Variants in HPS3 observed in about 807,000 individuals in gnomAD.
The protein encoded by HPS3 is BLOC-2 complex member HPS3.
A neutral mutation model predicts 110.9 loss-of-function variants in HPS3; 79 were observed. That is an observed-to-expected ratio of 0.71 (90% CI 0.59 to 0.86). HPS3 has a LOEUF of 0.86. HPS3 is among the 40% of genes least tolerant of loss of function. The pLI, the probability that HPS3 is intolerant of heterozygous loss-of-function variation, is 0.00. For missense variants in HPS3, 1,197 were observed against 1,206.2 expected, an observed-to-expected ratio of 0.99 and a Z score of 0.11; for synonymous variants, 428 against 451.0, an observed-to-expected ratio of 0.95 and a Z score of 0.65.
intron 1 of HPS3, among the ~76,000 whole-genome samples, chr3:149,131,999 TGA>T (rs1721808095): frequency 6.6e-6 from 1 of 152,164 alleles, no homozygotes; most frequent in Non-Finnish European, 1.5e-5. Context: ...CTGTGAATGC[TGA>T]GAGAGGTGAG....
In HPS3 at chr3:149,141,082, C is replaced by A; in HGVS notation, c.778C>A (p.Leu260Ile). ...TGTCATCTGCCAGAAGCCCCTGGAA[C>A]TTCTTGGTGAAAAAAGTGAACAGTC... ...DFVICQKPLE[L>I]LGEKSEQSGL... Residue 260 changes from leucine to isoleucine, a missense_variant, in exon 3 of 17, where the codon CTT (leucine) becomes ATT (isoleucine). Transcript: ENST00000296051. 1 of 1,613,728 alleles carries A rather than the reference C, an allele frequency of 6.2e-7. No homozygotes were observed. The highest frequency in any genetic ancestry group is 1.1e-5 in the South Asian group (1 of 91,052).
chr3:149,146,137 A>G (rs987213384), intron 5 of HPS3, among the ~76,000 whole-genome samples: 9 of 152,122 alleles, frequency 5.9e-5, no homozygotes, highest in Non-Finnish European at 1.0e-4. Context: ...TTTCCTTTTA[A>G]TCTCAGCAGC....
intron 9 of HPS3, 149 bp downstream of exon 9, chr3:149,157,680 C>T (rs1723541359): frequency 1.4e-6 from 1 of 737,856 alleles, no homozygotes. Context: ...AGCACATACT[C>T]TGTTAGGCAC....
At chr3:149,139,570 C>T (rs1722308853) in intron 1 of HPS3, among the ~76,000 whole-genome samples, 1 of 152,188 alleles carries the variant, frequency 6.6e-6, no homozygotes, top group Admixed American at 6.5e-5. Flanking sequence ...TCCTGTTTCT[C>T]AGACTTGTGA....
At chr3:149,155,240 T>C in intron 8 of HPS3, 25 bp downstream of exon 8, 1 of 1,188,444 alleles carries the variant, frequency 8.4e-7, no homozygotes, top group Non-Finnish European at 1.3e-6. Flanking sequence ...CTTCTGATTC[T>C]TGTTTGTAGA....
At chr3:149,161,932 A>T (rs1461127399) in intron 11 of HPS3, among the ~76,000 whole-genome samples, 1 of 152,192 alleles carries the variant, frequency 6.6e-6, no homozygotes, top group Non-Finnish European at 1.5e-5. Flanking sequence ...AAAAAATAGG[A>T]CACCTTGATT....
intron 11 of HPS3, among the ~76,000 whole-genome samples, chr3:149,161,387 A>G (rs1723803975): frequency 1.3e-5 from 2 of 151,978 alleles, no homozygotes; most frequent in African/African-American, 2.4e-5. Flanking sequence ...AATCATCTCT[A>G]TATTACTTAT....
chr3:149,145,889 T>C (rs535127606), intron 5 of HPS3, among the ~76,000 whole-genome samples: 1 of 152,342 alleles, frequency 6.6e-6, no homozygotes, highest in East Asian at 1.9e-4. Flanking sequence ...TCCTAAATTT[T>C]TTTTCTCACT....
chr3:149,162,461 TATAAG>T, intron 12 of HPS3, 128 bp downstream of exon 12: 1 of 948,894 alleles, frequency 1.1e-6, no homozygotes, highest in South Asian at 1.4e-5. Flanking sequence ...ATAATCAGTT[TATAAG>T]ATAAAAGTAC....
At chr3:149,169,612 C>T (rs1724780781) in intron 16 of HPS3, among the ~76,000 whole-genome samples, 1 of 152,162 alleles carries the variant, frequency 6.6e-6, no homozygotes, top group African/African-American at 2.4e-5. Flanking sequence ...GATGCCAATA[C>T]TACTGCCTCA....
intron 5 of HPS3, among the ~76,000 whole-genome samples, chr3:149,146,038 C>CA (rs950492284): frequency 7.2e-5 from 11 of 152,218 alleles, no homozygotes; most frequent in African/African-American, 2.4e-4. Context: ...TGGCCAAAGT[C>CA]ATGTGCTAAT....
chr3:149,144,818 G>A (rs34828320), intron 4 of HPS3, among the ~76,000 whole-genome samples: 9,900 of 152,108 alleles, frequency 0.065, 546 homozygotes, highest in African/African-American at 0.15. Flanking sequence ...TACACACTAG[G>A]TTTTGAAGAC....
In HPS3 at chr3:149,150,616, T is replaced by G. The variant is rs913619917; in HGVS notation, c.1181T>G (p.Phe394Cys). 1 of 1,614,082 alleles carries G rather than the reference T, an allele frequency of 6.2e-7. No homozygotes were observed. The highest frequency in any genetic ancestry group is 1.3e-5 in the African/African-American group (1 of 75,030). ...CTCCTCAGTAACAACCTGCAGTGTT[T>G]CACTGTGCGGTGCAGTGCGGCGGCA... ...HVITSNNLQC[F>C]TVRCSAAAAR... The change falls in exon 6 of 17, where the codon TTC becomes TGC. Residue 394 changes from phenylalanine to cysteine, a missense_variant. By Grantham distance (205) the Phe-to-Cys change is radical. Coordinates refer to ENST00000296051, the MANE Select transcript of HPS3 (RefSeq NM_032383.5).
rs531886189 is a variant in HPS3, at chr3:149,147,182, T to A, written c.1163+1636T>A. Among the ~76,000 whole-genome samples, 10 of 152,284 alleles carry A rather than the reference T, an allele frequency of 6.6e-5. 1 individual carries two copies. Among genetic ancestry groups the A allele is most frequent in the African/African-American group, 2.4e-4 (10 of 41,554 alleles). On this transcript the variant is annotated intron_variant, in intron 5 of 16. Coordinates refer to ENST00000296051, the MANE Select transcript of HPS3 (RefSeq NM_032383.5). ...GCTTTTATGAAACAATGGAGGCTGG[T>A]GAAATGTGGGGCAAAAGAGATGTTT...
At chr3:149,161,508 C>CTTT (rs1203449055) in intron 11 of HPS3, among the ~76,000 whole-genome samples, 62 of 104,328 alleles carry the variant, frequency 5.9e-4, no homozygotes, top group African/African-American at 9.0e-4. Context: ...CCCCCACACC[C>CTTT]TTTTTTTTTT....
Position 149,141,441 on chromosome 3 carries a change from G to A in HPS3, c.970+61G>A, listed in dbSNP as rs1576667516. ...AAGGTGAAAATGCTCTGTCTGGGCT[G>A]GGAGTGAAGACCCATGTGGGTAATA... On this transcript the variant is annotated intron_variant, in intron 4 of 16. Coordinates refer to ENST00000296051, the MANE Select transcript of HPS3 (RefSeq NM_032383.5). 9 of 1,353,054 alleles carry A rather than the reference G, an allele frequency of 6.7e-6. No homozygotes were observed. The East Asian group carries it at 1.8e-4, about 28-fold the overall frequency. The allele number at this position is 1,353,054 out of a possible 1,614,324, so 83.8% of individuals were successfully genotyped here. A position where few individuals can be genotyped will look rare whatever the true frequency, so the allele number is the denominator to read the frequency against.
chr3:149,161,465 T>TAAAA (rs35865364), intron 11 of HPS3, among the ~76,000 whole-genome samples: 65,579 of 148,396 alleles, frequency 0.44, 14,625 homozygotes, highest in South Asian at 0.51. Context: ...GGAATAATAA[T>TAAAA]AAAATCTGTA....
At chr3:149,162,935 A>G (rs568174758) in intron 13 of HPS3, 57 bp downstream of exon 13, 23 of 1,347,442 alleles carry the variant, frequency 1.7e-5, no homozygotes, top group South Asian at 1.3e-4. Flanking sequence ...TTACAAAAAC[A>G]TACCTTATTT....
intron 15 of HPS3, among the ~76,000 whole-genome samples, chr3:149,167,530 G>C (rs1030441199): frequency 1.3e-5 from 2 of 152,148 alleles, no homozygotes; most frequent in African/African-American, 4.8e-5. Flanking sequence ...TATTTTCTCT[G>C]CCATACGGTT....
Sources: allele counts gnomAD v4.1 joint callset (sites outside exome capture counted in the v4.1 genomes callset), GRCh38; gene constraint gnomAD v4.1.1; transcripts MANE v1.5; gene names NCBI Gene and HGNC (gene_info 2026-07-23, HGNC 2026-07-21).